Variants in UGGT2 observed in about 807,000 individuals in gnomAD.
UGGT2 encodes UDP-glucose glycoprotein glucosyltransferase 2.
UGGT2 carries 180 observed loss-of-function variants against 192.1 expected under a neutral mutation model. The observed-to-expected ratio is 0.94, with a 90% confidence interval of 0.83 to 1.06. The LOEUF is 1.06. UGGT2 is among the 50% of genes least tolerant of loss of function. The pLI is 0.00. For synonymous variants in UGGT2, 580 were observed against 591.0 expected (o/e 0.98, Z 0.27); for missense variants, 1,849 against 1,795.7 (o/e 1.03, Z -0.54).
At position 95,902,920 on chromosome 13, in the gene UGGT2, T is replaced by C. The variant is rs1217267427; in HGVS notation, c.2436A>G (p.Gln812=). ...KNMFLRSFLG[Q]LAKEEIATAI... is the part of the protein sequence containing the mutation. ...CTGTAGCAATTTCTTCCTTTGCCAG[T>C]TGCCCAAGAAAGCTTCTCAAAAACA... The change falls in exon 21 of 39, where the codon CAA becomes CAG. Residue 812 remains glutamine (Q), a synonymous_variant. Transcript: ENST00000376747. 3.7e-6 allele frequency: 6 copies of C among 1,613,442 alleles called. No homozygotes were observed. The African/African-American group carries it at 5.3e-5, about 14-fold the overall frequency.
intron 33 of UGGT2, 134 bp from the exon 34 acceptor site, chr13:95,856,474 C>G (rs995896211): frequency 2.7e-6 from 2 of 747,478 alleles, no homozygotes; most frequent in African/African-American, 3.6e-5. Context: ...CTAAATACTA[C>G]TTCTATAACA....
intron 38 of UGGT2, among the ~76,000 whole-genome samples, chr13:95,812,917 C>A (rs1033509452): frequency 1.3e-5 from 2 of 151,932 alleles, no homozygotes; most frequent in Non-Finnish European, 2.9e-5. Context: ...CCGTGAATAC[C>A]CTAAAAGTGA....
intron 36 of UGGT2, among the ~76,000 whole-genome samples, chr13:95,849,734 G>A (rs981298735): frequency 3.3e-5 from 5 of 151,632 alleles, no homozygotes; most frequent in Admixed American, 2.6e-4. Flanking sequence ...TGCTACATAG[G>A]TAAATTGAAT....
intron 5 of UGGT2, among the ~76,000 whole-genome samples, chr13:96,001,883 T>G (rs1305927124): frequency 6.6e-6 from 1 of 152,190 alleles, no homozygotes; most frequent in Non-Finnish European, 1.5e-5. Flanking sequence ...CCACTTCTAT[T>G]TAATGAAAAA....
At chr13:95,812,776 C>T (rs1282980915) in intron 38 of UGGT2, among the ~76,000 whole-genome samples, 4 of 152,022 alleles carry the variant, frequency 2.6e-5, no homozygotes, top group Non-Finnish European at 1.5e-5. Context: ...TCTCATCTTG[C>T]TCCTGCTTTC....
In UGGT2 at chr13:95,900,931, T is replaced by C. The variant is rs34249482; in HGVS notation, c.2510A>G (p.Asp837Gly). The part of the protein sequence containing the change: ...KIKTFLIEGM[D>G]KNAFEKKYNT... ...ATATTTTTTCTCAAAAGCATTCTTA[T>C]CCATCCCCTAAAGCAAAAGTTAAGA... The change falls in exon 22 of 39, where the codon GAT (aspartate) becomes GGT (glycine). Residue 837 changes from aspartate (D) to glycine (G), a missense_variant. Physicochemically the swap from Asp to Gly is moderately conservative, Grantham distance 94. Transcript: ENST00000376747. 3.1e-6 allele frequency: 5 copies of C among 1,589,016 alleles called. No individual in the cohort carries two copies. The African/African-American group carries it at 5.4e-5, about 17-fold the overall frequency.
intron 8 of UGGT2, among the ~76,000 whole-genome samples, chr13:95,987,046 C>T (rs538320646): frequency 2.6e-5 from 4 of 152,052 alleles, no homozygotes; most frequent in African/African-American, 4.8e-5. Flanking sequence ...AAACTAAATT[C>T]TTTCATTACC....
At chr13:95,879,085 G>A (rs2047420999) in intron 27 of UGGT2, among the ~76,000 whole-genome samples, 1 of 152,132 alleles carries the variant, frequency 6.6e-6, no homozygotes, top group African/African-American at 2.4e-5. Context: ...GAAAAAGATT[G>A]TAGAGATCAT....
chr13:95,912,602 G>A (rs1483983771), intron 20 of UGGT2, among the ~76,000 whole-genome samples: 1 of 152,174 alleles, frequency 6.6e-6, no homozygotes, highest in African/African-American at 2.4e-5. Context: ...ACAAACAAAT[G>A]GAAGAATATT....
In UGGT2 at chr13:96,053,228, C is replaced by T; in HGVS notation, c.85G>A (p.Val29Ile). 6.5e-7 allele frequency: 1 copy of T among 1,543,106 alleles called. No individual in the cohort carries two copies. Among genetic ancestry groups the T allele is most frequent in the Non-Finnish European group, 8.7e-7 (1 of 1,151,600 alleles). The change falls in exon 1 of 39, where the codon GTC (valine) becomes ATC (isoleucine). Residue 29 changes from valine (V) to isoleucine (I), a missense_variant. Coordinates refer to ENST00000376747, the MANE Select transcript of UGGT2 (RefSeq NM_020121.4). ...LWLSQLGSGT[V>I]AASKSVTAHL... ...GCAGTCACCGACTTGGACGCGGCGA[C>T]CGTCCCGGAGCCGAGCTGCGAAAGC...
At chr13:95,980,022 G>C (rs2051066113) in intron 10 of UGGT2, among the ~76,000 whole-genome samples, 1 of 152,120 alleles carries the variant, frequency 6.6e-6, no homozygotes, top group Non-Finnish European at 1.5e-5. Context: ...GTGGTGAAAA[G>C]GGAACACTTT....
chr13:95,848,788 A>C (rs1014144783), intron 36 of UGGT2, among the ~76,000 whole-genome samples: 1 of 152,172 alleles, frequency 6.6e-6, no homozygotes, highest in African/African-American at 2.4e-5. Context: ...CTTTAAAATC[A>C]GTAGGTTGAC....
chr13:95,874,113 T>G (rs947899358), intron 29 of UGGT2, among the ~76,000 whole-genome samples: 1 of 152,168 alleles, frequency 6.6e-6, no homozygotes, highest in Non-Finnish European at 1.5e-5. Flanking sequence ...TACTTGTCCT[T>G]ATTTTTGTCT....
intron 8 of UGGT2, among the ~76,000 whole-genome samples, chr13:95,987,537 G>A (rs2051327020): frequency 6.6e-6 from 1 of 152,032 alleles, no homozygotes; most frequent in Non-Finnish European, 1.5e-5. Flanking sequence ...TTTAAAAAGT[G>A]CTAAAATAGA....
intron 17 of UGGT2, among the ~76,000 whole-genome samples, chr13:95,931,818 C>T (rs2049286741): frequency 6.6e-6 from 1 of 152,120 alleles, no homozygotes; most frequent in African/African-American, 2.4e-5. Context: ...CCGCGCCTCT[C>T]CCTCCACACC....
intron 12 of UGGT2, among the ~76,000 whole-genome samples, chr13:95,969,470 G>C (rs2050697640): frequency 6.6e-6 from 1 of 152,168 alleles, no homozygotes; most frequent in African/African-American, 2.4e-5. Flanking sequence ...GTTAAGGAAA[G>C]TTTCTCTCAG....
intron 15 of UGGT2, among the ~76,000 whole-genome samples, chr13:95,946,833 A>T (rs926458314): frequency 6.6e-6 from 1 of 152,232 alleles, no homozygotes; most frequent in African/African-American, 2.4e-5. Context: ...TCAGTTGCCT[A>T]ATTTATAATG....
chr13:95,879,146 C>G (rs1456359344), intron 27 of UGGT2, among the ~76,000 whole-genome samples: 2 of 152,068 alleles, frequency 1.3e-5, no homozygotes, highest in African/African-American at 2.4e-5. Flanking sequence ...ACCAAAGTGA[C>G]TGTAAAGTAA....
At chr13:96,003,987 A>C (rs1229218281) in intron 5 of UGGT2, among the ~76,000 whole-genome samples, 1 of 152,178 alleles carries the variant, frequency 6.6e-6, no homozygotes, top group African/African-American at 2.4e-5. Flanking sequence ...TAATTCAAAG[A>C]ATACCTAGTT....
Sources: gnomAD v4.1 joint callset for allele counts (sites outside exome capture counted in the v4.1 genomes callset) on GRCh38, gnomAD v4.1.1 for gene constraint, MANE v1.5 for transcripts, NCBI Gene and HGNC (gene_info 2026-07-23, HGNC 2026-07-21) for gene names.